The following HS6ST3 variants were observed in gnomAD, a reference collection of about 807,000 sequenced individuals.
HS6ST3 encodes the protein heparan-sulfate 6-O-sulfotransferase 3.
Under a neutral mutation model 36.7 loss-of-function variants are expected in HS6ST3, and 12 were observed. That is an observed-to-expected ratio of 0.33 (90% CI 0.21 to 0.53). The LOEUF (loss-of-function observed/expected upper bound fraction) is 0.53, where lower values mean the gene tolerates loss of function less well. Among genes scored for constraint, HS6ST3 ranks in the 20% least tolerant of loss-of-function variants. The probability of loss-of-function intolerance (pLI) is 0.95; values close to 1 mark genes in which losing one functional copy is unlikely to be tolerated. For missense variants in HS6ST3, 584 were observed against 640.9 expected (o/e 0.91, Z 0.96); for synonymous variants, 240 against 257.5 (o/e 0.93, Z 0.65).
At chr13:96,435,214 GAAAT>G (rs1361481640) in intron 1 of HS6ST3, among the ~76,000 whole-genome samples, 1 of 152,196 alleles carries the variant, frequency 6.6e-6, no homozygotes, top group Non-Finnish European at 1.5e-5. Context: ...GCCTCAGATA[GAAAT>G]TCTCCTCATC....
intron 1 of HS6ST3, among the ~76,000 whole-genome samples, chr13:96,267,032 G>A (rs1302253085): frequency 1.3e-5 from 2 of 152,198 alleles, no homozygotes; most frequent in East Asian, 1.9e-4. Context: ...CCCAGTGGAA[G>A]GCAATTGAAT....
intron 1 of HS6ST3, among the ~76,000 whole-genome samples, chr13:96,191,001 G>A (rs767562489): frequency 2.0e-5 from 3 of 152,146 alleles, no homozygotes; most frequent in Non-Finnish European, 4.4e-5. Context: ...GTTCAAGTGT[G>A]ATGAGAAGCT....
chr13:96,265,701 C>A (rs538617305), intron 1 of HS6ST3, among the ~76,000 whole-genome samples: 16 of 152,260 alleles, frequency 1.1e-4, no homozygotes, highest in African/African-American at 3.4e-4. Context: ...ACCATGGTGA[C>A]CTTCCTTCAT....
chr13:96,190,428 A>G (rs1297091978), intron 1 of HS6ST3, among the ~76,000 whole-genome samples: 3 of 152,008 alleles, frequency 2.0e-5, no homozygotes, highest in African/African-American at 7.3e-5. Flanking sequence ...CCTCTCTAGT[A>G]CCTCATATTG....
intron 1 of HS6ST3, among the ~76,000 whole-genome samples, chr13:96,331,653 C>T (rs2055068668): frequency 6.6e-6 from 1 of 152,190 alleles, no homozygotes; most frequent in Non-Finnish European, 1.5e-5. Context: ...TGCCCTGCCC[C>T]CAGAGGTGGA....
At chr13:96,458,149 AC>A (rs1334224978) in intron 1 of HS6ST3, among the ~76,000 whole-genome samples, 3 of 152,126 alleles carry the variant, frequency 2.0e-5, no homozygotes, top group Non-Finnish European at 4.4e-5. Context: ...GTATTCCCAT[AC>A]TGTGGTCTTA....
intron 1 of HS6ST3, among the ~76,000 whole-genome samples, chr13:96,123,285 TA>T (rs773465529): frequency 1.6e-4 from 25 of 152,362 alleles, no homozygotes; most frequent in Non-Finnish European, 3.5e-4. Context: ...GTTTTGCTTA[TA>T]TTTTTTTAGA....
intron 1 of HS6ST3, among the ~76,000 whole-genome samples, chr13:96,393,449 A>G (rs1229372702): frequency 2.0e-5 from 3 of 152,184 alleles, no homozygotes; most frequent in African/African-American, 7.2e-5. Flanking sequence ...CTTCTCTTTC[A>G]TTTTATAACC....
intron 1 of HS6ST3, among the ~76,000 whole-genome samples, chr13:96,368,564 G>A (rs1049730191): frequency 6.6e-6 from 1 of 151,124 alleles, no homozygotes. Context: ...GTATAATTCA[G>A]TATCTACAGC....
intron 1 of HS6ST3, among the ~76,000 whole-genome samples, chr13:96,616,091 G>A (rs759828339): frequency 5.3e-4 from 80 of 152,280 alleles, no homozygotes; most frequent in Non-Finnish European, 9.7e-4. Context: ...CCTGTGAAAT[G>A]TGGAGTGAAA....
At chr13:96,723,536 A>C (rs1390340059) in intron 1 of HS6ST3, among the ~76,000 whole-genome samples, 1 of 152,166 alleles carries the variant, frequency 6.6e-6, no homozygotes, top group Non-Finnish European at 1.5e-5. Flanking sequence ...AGCTGAACCT[A>C]ATTGTAACTG....
chr13:96,388,116 C>T (rs574072426), intron 1 of HS6ST3, among the ~76,000 whole-genome samples: 1 of 152,322 alleles, frequency 6.6e-6, no homozygotes, highest in South Asian at 2.1e-4. Context: ...GGTATTTAAA[C>T]ATACACTTTT....
intron 1 of HS6ST3, among the ~76,000 whole-genome samples, chr13:96,103,491 G>C (rs186799829): frequency 6.6e-6 from 1 of 152,160 alleles, no homozygotes; most frequent in Non-Finnish European, 1.5e-5. Context: ...CTGAATAAAC[G>C]AAAGAATGAA....
intron 1 of HS6ST3, among the ~76,000 whole-genome samples, chr13:96,156,178 C>T (rs1356129768): frequency 6.6e-6 from 1 of 152,162 alleles, no homozygotes; most frequent in Non-Finnish European, 1.5e-5. Context: ...AAGATAGGGT[C>T]ATTATCCCCA....
chr13:96,442,637 T>A (rs1163317635), intron 1 of HS6ST3, among the ~76,000 whole-genome samples: 4 of 152,100 alleles, frequency 2.6e-5, no homozygotes, highest in Non-Finnish European at 5.9e-5. Flanking sequence ...TAGCCATGCA[T>A]CCAAGGGAGA....
At chr13:96,779,791 G>T (rs997612890) in intron 1 of HS6ST3, among the ~76,000 whole-genome samples, 1 of 147,416 alleles carries the variant, frequency 6.8e-6, no homozygotes, top group Non-Finnish European at 1.5e-5. Context: ...AAAAAACATT[G>T]TTCTTATTTA....
chr13:96,610,055 A>G (rs747666788), intron 1 of HS6ST3, among the ~76,000 whole-genome samples: 1 of 152,160 alleles, frequency 6.6e-6, no homozygotes, highest in South Asian at 2.1e-4. Flanking sequence ...AGGATCTCAG[A>G]AAACAGATTC....
At chr13:96,144,419 C>T (rs1398685844) in intron 1 of HS6ST3, among the ~76,000 whole-genome samples, 1 of 151,986 alleles carries the variant, frequency 6.6e-6, no homozygotes, top group Non-Finnish European at 1.5e-5. Flanking sequence ...GAGAAAAACA[C>T]TCACCACTTT....
intron 1 of HS6ST3, among the ~76,000 whole-genome samples, chr13:96,232,413 A>G (rs1807165302): frequency 6.6e-6 from 1 of 152,210 alleles, no homozygotes; most frequent in Non-Finnish European, 1.5e-5. Context: ...ATGTCCTACA[A>G]AGGTAGGAGA....
Sources: gnomAD v4.1 joint callset for allele counts (sites outside exome capture counted in the v4.1 genomes callset) on GRCh38, gnomAD v4.1.1 for gene constraint, MANE v1.5 for transcripts, NCBI Gene and HGNC (gene_info 2026-07-23, HGNC 2026-07-21) for gene names.